LIPI: variants seen among roughly 807,000 people sequenced by gnomAD.
LIPI encodes lipase member I.
In LIPI, 59 loss-of-function variants were observed where a neutral mutation model predicts 50.6. That is an observed-to-expected ratio of 1.16 (90% CI 0.94 to 1.45). The LOEUF is 1.45. LIPI is among the 40% of genes most tolerant of loss of function. The pLI, the probability that LIPI is intolerant of heterozygous loss-of-function variation, is 0.00. For synonymous variants in LIPI, 203 were observed against 178.2 expected (o/e 1.14, Z -1.11); for missense variants, 586 against 536.3 (o/e 1.09, Z -0.92).
intron 9 of LIPI, among the ~76,000 whole-genome samples, chr21:14,113,417 G>A (rs549614845): frequency 1.5e-3 from 232 of 152,316 alleles, no homozygotes; most frequent in Non-Finnish European, 2.3e-3. Context: ...ATACACTTAT[G>A]AGATTAAAAG....
chr21:14,144,731 T>C lies in LIPI; in HGVS notation c.1187A>G (p.Asn396Ser). The change falls in exon 9 of 10, where the codon AAT becomes AGT. Residue 396 changes from asparagine to serine, a missense_variant. Asn to Ser is a conservative substitution (Grantham distance 46). Transcript: ENST00000681601. ...ATATGTCAAACCAATGCTTGAAATATTTACAAAGTCATTATAAAATTGAGC... is the reference window on the plus strand; with the variant it reads ...ATATGTCAAACCAATGCTTGAAATACTTACAAAGTCATTATAAAATTGAGC... ...ILAQFYNDFV[N>S]ISSIGLTYFQ... The C allele has an allele frequency of 1.9e-6, 3 of 1,574,874 alleles. No homozygotes were observed. Among genetic ancestry groups the C allele is most frequent in the Non-Finnish European group, 2.6e-6 (3 of 1,144,828 alleles).
chr21:14,117,855 G>A (rs1281726351), intron 9 of LIPI, among the ~76,000 whole-genome samples: 1 of 152,056 alleles, frequency 6.6e-6, no homozygotes, highest in Non-Finnish European at 1.5e-5. Context: ...CAAAGTGGGA[G>A]GCCAAGCGTA....
intron 1 of LIPI, among the ~76,000 whole-genome samples, chr21:14,203,038 C>T (rs1164483471): frequency 6.6e-6 from 1 of 152,182 alleles, no homozygotes; most frequent in East Asian, 1.9e-4. Context: ...TGAACAGACA[C>T]TTCTCAAAAG....
At chr21:14,167,950 G>T (rs1186962230) in intron 4 of LIPI, among the ~76,000 whole-genome samples, 2 of 152,162 alleles carry the variant, frequency 1.3e-5, no homozygotes, top group African/African-American at 4.8e-5. Context: ...CAAACGCAAA[G>T]AAGTTGAAAA....
At chr21:14,178,392 G>A (rs2019162769) in intron 4 of LIPI, among the ~76,000 whole-genome samples, 1 of 151,640 alleles carries the variant, frequency 6.6e-6, no homozygotes, top group Admixed American at 6.6e-5. Context: ...TCTATTCTTT[G>A]GTACCCATTT....
chr21:14,191,605 TAAAA>T, intron 1 of LIPI, among the ~76,000 whole-genome samples: 1 of 152,064 alleles, frequency 6.6e-6, no homozygotes, highest in Middle Eastern at 3.4e-3. Flanking sequence ...CTATACAAAA[TAAAA>T]AGAAAATAGG....
intron 4 of LIPI, among the ~76,000 whole-genome samples, chr21:14,176,658 C>G (rs1251428037): frequency 7.0e-6 from 1 of 142,324 alleles, no homozygotes; most frequent in Non-Finnish European, 1.5e-5. Context: ...GATTTCTACA[C>G]TTTGAAATGT....
chr21:14,181,998 A>C (rs1428728104), intron 3 of LIPI, 139 bp from the exon 4 acceptor site: 21 of 664,772 alleles, frequency 3.2e-5, no homozygotes, highest in Non-Finnish European at 5.0e-5. Context: ...ATATCTAAAA[A>C]CAAATGGAAG....
chr21:14,118,350 T>A (rs2016734025), intron 9 of LIPI, among the ~76,000 whole-genome samples: 1 of 152,118 alleles, frequency 6.6e-6, no homozygotes, highest in Non-Finnish European at 1.5e-5. Flanking sequence ...TGGGCCGTTA[T>A]CAAAAGACTA....
At chr21:14,201,657 A>C (rs2020058620) in intron 1 of LIPI, among the ~76,000 whole-genome samples, 1 of 152,300 alleles carries the variant, frequency 6.6e-6, no homozygotes, top group African/African-American at 2.4e-5. Flanking sequence ...AAAAACTCTC[A>C]ATAAATTAGG....
chr21:14,152,705 A>C (rs777071213), intron 7 of LIPI, 21 bp from the exon 8 acceptor site: 58 of 1,188,952 alleles, frequency 4.9e-5, no homozygotes, highest in Non-Finnish European at 6.7e-5. Flanking sequence ...AAAATATAGA[A>C]TACAACTCAC....
At chr21:14,170,148 C>T (rs1187706812) in intron 4 of LIPI, among the ~76,000 whole-genome samples, 3 of 152,202 alleles carry the variant, frequency 2.0e-5, no homozygotes, top group African/African-American at 7.2e-5. Context: ...CATACACCCT[C>T]TGAAGACTAA....
At chr21:14,117,728 G>T (rs2016706866) in intron 9 of LIPI, among the ~76,000 whole-genome samples, 1 of 152,176 alleles carries the variant, frequency 6.6e-6, no homozygotes, top group Non-Finnish European at 1.5e-5. Flanking sequence ...GCATTCATGA[G>T]TGAAGCACAA....
intron 6 of LIPI, among the ~76,000 whole-genome samples, chr21:14,163,740 C>T (rs2018577391): frequency 6.6e-6 from 1 of 151,926 alleles, no homozygotes; most frequent in African/African-American, 2.4e-5. Flanking sequence ...TAAATCTGCT[C>T]CCTGAAAATC....
chr21:14,125,809 C>A (rs2017040832), intron 9 of LIPI, among the ~76,000 whole-genome samples: 1 of 152,144 alleles, frequency 6.6e-6, no homozygotes, highest in African/African-American at 2.4e-5. Context: ...CCCGCCTCCG[C>A]CTCCCAAAGT....
chr21:14,191,441 T>A (rs2019673206), intron 1 of LIPI, among the ~76,000 whole-genome samples: 1 of 149,784 alleles, frequency 6.7e-6, no homozygotes, highest in Admixed American at 6.6e-5. Context: ...AATGATGAAA[T>A]TACACTAGAG....
rs553710885 is a variant in LIPI at position 14,108,853 on chromosome 21, T to G, written c.*140A>C. 2,078 of 978,214 alleles carry G rather than the reference T, an allele frequency of 2.1e-3. 53 individuals are homozygous for G. The South Asian group carries it at 0.03, about 14-fold the overall frequency. The allele number at this position is 978,214 out of a possible 1,614,324, so 60.6% of individuals were successfully genotyped here. A position where few individuals can be genotyped will look rare whatever the true frequency, so the allele number is the denominator to read the frequency against. On this transcript the variant is annotated 3_prime_UTR_variant, in exon 10 of 10. Coordinates refer to ENST00000681601, the MANE Select transcript of LIPI (RefSeq NM_001302998.2). ...TGTATGCATTTTTTATTTTCTTTAT[T>G]TTTGATTCTTAAAATTTTTTCCAAG...
intron 2 of LIPI, 78 bp from the exon 3 acceptor site, chr21:14,186,147 T>A (rs2019449932): frequency 1.2e-6 from 1 of 820,140 alleles, no homozygotes; most frequent in African/African-American, 1.7e-5. Flanking sequence ...TATATCGACA[T>A]TTCAAAATTC....
intron 9 of LIPI, among the ~76,000 whole-genome samples, chr21:14,110,926 GTA>G (rs1488128841): frequency 6.1e-5 from 9 of 147,044 alleles, no homozygotes; most frequent in African/African-American, 2.2e-4. Context: ...AATATATATA[GTA>G]TATACCATAT....
Sources: gnomAD v4.1 joint callset for allele counts (sites outside exome capture counted in the v4.1 genomes callset) on GRCh38, gnomAD v4.1.1 for gene constraint, MANE v1.5 for transcripts, NCBI Gene and HGNC (gene_info 2026-07-23, HGNC 2026-07-21) for gene names.